Variants in SGCZ observed in about 807,000 individuals in gnomAD.
SGCZ encodes the protein zeta-sarcoglycan.
Under a neutral mutation model 41.3 loss-of-function variants are expected in SGCZ, and 40 were observed. The observed-to-expected ratio is 0.97, with a 90% CI of 0.75 to 1.26. The LOEUF is 1.26. Ranked by LOEUF, SGCZ falls within the 50% of genes most tolerant of loss-of-function variation. The probability of loss-of-function intolerance (pLI) is 0.00; values close to 1 mark genes in which losing one functional copy is unlikely to be tolerated. For missense variants in SGCZ, 552 were observed against 369.8 expected (o/e 1.49, Z -4.04); for synonymous variants, 206 against 137.5 (o/e 1.50, Z -3.49).
At chr8:14,497,990 T>A (rs1265555846) in intron 2 of SGCZ, among the ~76,000 whole-genome samples, 2 of 152,166 alleles carry the variant, frequency 1.3e-5, no homozygotes, top group African/African-American at 4.8e-5. Flanking sequence ...ATATCATCTA[T>A]AAGTTTTATA....
intron 1 of SGCZ, among the ~76,000 whole-genome samples, chr8:14,952,244 C>T (rs1800663582): frequency 6.6e-6 from 1 of 152,016 alleles, no homozygotes; most frequent in Non-Finnish European, 1.5e-5. Flanking sequence ...GAATTATAAG[C>T]ATCTCTTGGC....
intron 1 of SGCZ, among the ~76,000 whole-genome samples, chr8:14,831,470 T>G (rs1802523244): frequency 3.9e-5 from 6 of 152,090 alleles, no homozygotes; most frequent in Admixed American, 3.9e-4. Flanking sequence ...GCTCCAGAGT[T>G]CAAGAGAATC....
chr8:15,012,410 C>A (rs866873373), intron 1 of SGCZ, among the ~76,000 whole-genome samples: 27 of 149,770 alleles, frequency 1.8e-4, no homozygotes, highest in African/African-American at 6.1e-4. Context: ...CTGCAGTGAG[C>A]TATGATCACC....
At chr8:14,464,800 C>T (rs1009147287) in intron 2 of SGCZ, among the ~76,000 whole-genome samples, 6 of 151,336 alleles carry the variant, frequency 4.0e-5, no homozygotes, top group Admixed American at 3.3e-4. Context: ...TTCCATTCAC[C>T]TCTAAATATT....
chr8:14,334,483 G>C (rs1005997909), intron 2 of SGCZ, among the ~76,000 whole-genome samples: 1 of 152,066 alleles, frequency 6.6e-6, no homozygotes, highest in East Asian at 1.9e-4. Context: ...GGTACTACAG[G>C]TATAGAACAT....
At chr8:14,560,064 G>C (rs1026123207) in intron 1 of SGCZ, among the ~76,000 whole-genome samples, 153 of 152,040 alleles carry the variant, frequency 1.0e-3, no homozygotes, top group African/African-American at 3.5e-3. Context: ...AACATAAAAA[G>C]AGAATAGTAT....
chr8:14,410,501 G>C (rs1799330134), intron 2 of SGCZ, among the ~76,000 whole-genome samples: 1 of 151,250 alleles, frequency 6.6e-6, no homozygotes, highest in Admixed American at 6.6e-5. Flanking sequence ...TTCTATTTTT[G>C]GACTGTAATG....
At chr8:14,177,258 G>A (rs2117013252) in intron 4 of SGCZ, among the ~76,000 whole-genome samples, 1 of 152,232 alleles carries the variant, frequency 6.6e-6, no homozygotes. Context: ...AATACCAAAT[G>A]TGCTGTTGTT....
intron 1 of SGCZ, among the ~76,000 whole-genome samples, chr8:15,022,536 G>A (rs1803293906): frequency 6.6e-6 from 1 of 151,990 alleles, no homozygotes; most frequent in Admixed American, 6.6e-5. Context: ...CAGAGACGGG[G>A]TTTCACCATG....
chr8:14,212,333 C>G (rs984511580), intron 4 of SGCZ, among the ~76,000 whole-genome samples: 1 of 152,080 alleles, frequency 6.6e-6, no homozygotes, highest in Non-Finnish European at 1.5e-5. Context: ...TCTCCAACGC[C>G]TTACCCATAG....
intron 1 of SGCZ, among the ~76,000 whole-genome samples, chr8:14,642,709 G>T (rs1010217013): frequency 3.2e-4 from 48 of 151,264 alleles, no homozygotes; most frequent in African/African-American, 1.0e-3. Context: ...TTTTTGTAAT[G>T]TAAATACTTA....
At chr8:15,117,930 C>A (rs1230570842) in intron 1 of SGCZ, among the ~76,000 whole-genome samples, 2 of 152,186 alleles carry the variant, frequency 1.3e-5, no homozygotes, top group African/African-American at 4.8e-5. Context: ...ACATACCAGA[C>A]ATGTACTTTC....
rs927390039 is a variant in SGCZ at position 14,132,256 on chromosome 8, A to C, written c.548-24021T>G. Among the ~76,000 whole-genome samples, 3 of 152,018 alleles carry C rather than the reference A, an allele frequency of 2.0e-5. No homozygotes were observed. The East Asian group carries it at 5.8e-4, about 29-fold the overall frequency. On this transcript the variant is annotated intron_variant, in intron 5 of 7. Transcript: ENST00000382080. ...ACTGAGCTTGGCTAGTATATGTTCT[A>C]TTTCAATTATTATAATGTTAAATAC...
chr8:14,316,459 A>T (rs927596049), intron 3 of SGCZ, among the ~76,000 whole-genome samples: 1 of 152,016 alleles, frequency 6.6e-6, no homozygotes, highest in African/African-American at 2.4e-5. Context: ...GTGAAAAAAC[A>T]TAATAGGCCT....
chr8:15,013,361 G>A (rs1344153215), intron 1 of SGCZ, among the ~76,000 whole-genome samples: 1 of 152,152 alleles, frequency 6.6e-6, no homozygotes, highest in Non-Finnish European at 1.5e-5. Flanking sequence ...AAAGGACTTC[G>A]TTGAGCATGT....
intron 1 of SGCZ, among the ~76,000 whole-genome samples, chr8:14,857,852 C>T (rs1254025226): frequency 6.6e-6 from 1 of 151,948 alleles, no homozygotes; most frequent in East Asian, 1.9e-4. Context: ...GGTGACAGAG[C>T]AAGACTCTGT....
At chr8:14,687,939 T>C (rs1808670001) in intron 1 of SGCZ, among the ~76,000 whole-genome samples, 1 of 152,248 alleles carries the variant, frequency 6.6e-6, no homozygotes, top group Non-Finnish European at 1.5e-5. Context: ...ATTTCTCTGA[T>C]AGACTGTAAT....
intron 2 of SGCZ, among the ~76,000 whole-genome samples, chr8:14,414,658 T>C (rs967248376): frequency 6.6e-6 from 1 of 152,094 alleles, no homozygotes; most frequent in Admixed American, 6.6e-5. Flanking sequence ...AAGCACAAAA[T>C]GTAATTAATC....
intron 1 of SGCZ, among the ~76,000 whole-genome samples, chr8:14,603,805 C>G (rs1805665242): frequency 6.6e-6 from 1 of 152,060 alleles, no homozygotes; most frequent in Admixed American, 6.6e-5. Context: ...TTCCTGAGAT[C>G]GGGACCCTTG....
Sources: gnomAD v4.1 joint callset for allele counts (sites outside exome capture counted in the v4.1 genomes callset) on GRCh38, gnomAD v4.1.1 for gene constraint, MANE v1.5 for transcripts, NCBI Gene and HGNC (gene_info 2026-07-23, HGNC 2026-07-21) for gene names.